Variants in NOTCH1 observed in about 807,000 individuals in gnomAD.
NOTCH1 encodes the protein neurogenic locus notch homolog protein 1.
Under a neutral mutation model 254.8 loss-of-function variants are expected in NOTCH1, and 37 were observed. The observed-to-expected ratio is 0.15, with a 90% CI of 0.11 to 0.19. The LOEUF is 0.19. Ranked by LOEUF, NOTCH1 falls within the 10% of genes least tolerant of loss-of-function variation. The pLI is 1.00. For synonymous variants in NOTCH1, 1,731 were observed against 1,618.1 expected (o/e 1.07, Z -1.68); for missense variants, 2,972 against 3,708.6 (o/e 0.80, Z 5.16).
Position 136,495,059 on chromosome 9 carries a change from G to A in NOTCH1, c.*1012C>T, listed in dbSNP as rs1404983222. 8 of 398,932 alleles carry A rather than the reference G, an allele frequency of 2.0e-5. No homozygotes were observed. Among genetic ancestry groups the A allele is most frequent in the East Asian group, 1.8e-4 (5 of 28,216 alleles). 24.7% of individuals were successfully genotyped at this position (398,932 alleles called of 1,614,324 possible). On this transcript the variant is annotated 3_prime_UTR_variant, in exon 34 of 34. Transcript: ENST00000651671. Reference sequence around the variant, plus strand: ...GAGCCCACGGGGGGTCGGGTCCCGCGAGCTGGGGCCCAGGCTGTGTTGCTG... The same window carrying A: ...GAGCCCACGGGGGGTCGGGTCCCGCAAGCTGGGGCCCAGGCTGTGTTGCTG...
chr9:136,539,685 C>T (rs952686125), intron 2 of NOTCH1, among the ~76,000 whole-genome samples: 4 of 152,202 alleles, frequency 2.6e-5, no homozygotes, highest in African/African-American at 9.6e-5. Flanking sequence ...CCCTGGCGCC[C>T]TTGAAGACCA....
chr9:136,507,428 C>G lies in NOTCH1; in HGVS notation c.3520G>C (p.Gly1174Arg). Reference protein sequence around the residue: ...LGGYSCKCVAGYHGVNCSEEI... With the variant: ...LGGYSCKCVARYHGVNCSEEI... ...TCAGAGCAGTTCACCCCGTGGTAGC[C>G]GGCCACGCACTGTGCAGGCGACAGA... The change falls in exon 22 of 34, where the codon GGC (glycine) becomes CGC (arginine). Residue 1174 changes from glycine (G) to arginine (R), a missense_variant. Physicochemically the swap from Gly to Arg is moderately radical, Grantham distance 125 (BLOSUM62 -2). Around this residue, in one of 8 missense-constraint regions of NOTCH1, gnomAD observed 1,343 missense variants for 1,557.0 expected, o/e 0.86. Coordinates refer to ENST00000651671, the MANE Select transcript of NOTCH1 (RefSeq NM_017617.5). 6.2e-7 allele frequency: 1 copy of G among 1,606,618 alleles called. No homozygotes were observed. Among genetic ancestry groups the G allele is most frequent in the Non-Finnish European group, 8.5e-7 (1 of 1,177,452 alleles).
chr9:136,545,670 G>A lies in NOTCH1; in HGVS notation c.61+56C>T, dbSNP rs1843804997. ...CCGTGGGGCGCGCGCGCCGGGCGCC[G>A]CCAAAGTTTCCAAAGGGCGCGGAAA... On this transcript the variant is annotated intron_variant, in intron 1 of 33. Transcript: ENST00000651671. The surrounding 1 kb of genome is among the most constrained non-coding windows in gnomAD (Gnocchi z 6.8). 2 of 1,390,702 alleles carry A rather than the reference G, an allele frequency of 1.4e-6. No homozygotes were observed. The highest frequency in any genetic ancestry group is 1.9e-6 in the Non-Finnish European group (2 of 1,057,202). The allele number at this position is 1,390,702 out of a possible 1,614,324, so 86.1% of individuals were successfully genotyped here.
rs116788803 is a variant in NOTCH1 at position 136,533,936 on chromosome 9, G to A, written c.141-9957C>T. Among the ~76,000 whole-genome samples the A allele has an allele frequency of 8.5e-4, 130 of 152,358 alleles. 1 individual carries two copies. The highest frequency in any genetic ancestry group is 3.0e-3 in the African/African-American group (125 of 41,578). The stretch of plus-strand genomic sequence containing the variant: ...TCTAATAAAGCCAGGTCTCCCCGCC[G>A]TGGCTCCCTGGGCGGGTGCCTGTGG... On this transcript the variant is annotated intron_variant, in intron 2 of 33. Coordinates refer to ENST00000651671, the MANE Select transcript of NOTCH1 (RefSeq NM_017617.5).
rs755963480 is a variant in NOTCH1, at chr9:136,509,068, G to A, written c.2973C>T (p.Ser991=). Residue 991 remains serine (S), a synonymous_variant, in exon 19 of 34, where the codon TCC becomes TCT. Coordinates refer to ENST00000651671, the MANE Select transcript of NOTCH1 (RefSeq NM_017617.5). ...ENNTPDCTES[S]CFNGGTCVDG... ...CCACGCAGGTGCCACCGTTGAAGCA[G>A]GAGCTGCAAGGGGGTGGGCAGGCGG... The A allele has an allele frequency of 1.3e-6, 2 of 1,555,982 alleles. No homozygotes were observed. Among genetic ancestry groups the A allele is most frequent in the Non-Finnish European group, 1.7e-6 (2 of 1,150,676 alleles).
rs754163232 is a variant in NOTCH1, at chr9:136,501,801, G to A, written c.5585C>T (p.Pro1862Leu). The part of the protein sequence containing the change: ...DLRMSAMAPT[P>L]PQGEVDADCM... The stretch of plus-strand genomic sequence containing the variant: ...GTCGGCGTCAACCTCACCCTGGGGC[G>A]GTGTGGGGGCCATGGCAGACATGCG... The change falls in exon 30 of 34, where the codon CCG becomes CTG. Residue 1862 changes from proline to leucine, a missense_variant. Transcript: ENST00000651671. 5 of 1,612,774 alleles carry A rather than the reference G, an allele frequency of 3.1e-6. No individual in the cohort carries two copies. Among genetic ancestry groups the A allele is most frequent in the Non-Finnish European group, 4.2e-6 (5 of 1,179,976 alleles).
intron 13 of NOTCH1, among the ~76,000 whole-genome samples, chr9:136,514,082 GCCC>G (rs1392496700): frequency 6.6e-6 from 1 of 152,176 alleles, no homozygotes; most frequent in Non-Finnish European, 1.5e-5. Flanking sequence ...GCTGCGAAAA[GCCC>G]CCCACCACTT....
At chr9:136,499,688 C>A (rs1842967725) in intron 31 of NOTCH1, among the ~76,000 whole-genome samples, 2 of 152,180 alleles carry the variant, frequency 1.3e-5, no homozygotes, top group South Asian at 4.1e-4. Flanking sequence ...GGGTGGGCAG[C>A]CCTTGTAATG....
In NOTCH1 at chr9:136,545,803, C is replaced by T. The variant is rs1484460687; in HGVS notation, c.-17G>A. ...CGGCGGCATGCCTCCCCACCGGCTG[C>T]CCTCTGCGCCCGGGCGGCGGCCTCC... On this transcript the variant is annotated 5_prime_UTR_variant, in exon 1 of 34. Coordinates refer to ENST00000651671, the MANE Select transcript of NOTCH1 (RefSeq NM_017617.5). This position sits in a 1 kb window ranked among gnomAD's most constrained non-coding sequence, Gnocchi z 6.8. The T allele has an allele frequency of 1.6e-6, 2 of 1,262,716 alleles. No homozygotes were observed. The highest frequency in any genetic ancestry group is 4.0e-5 in the Admixed American group (1 of 24,714). 78.2% of individuals were successfully genotyped at this position (1,262,716 alleles called of 1,614,324 possible). A position where few individuals can be genotyped will look rare whatever the true frequency, so the allele number is the denominator to read the frequency against.
At chr9:136,520,712 T>A (rs1402720624) in intron 4 of NOTCH1, among the ~76,000 whole-genome samples, 1 of 148,918 alleles carries the variant, frequency 6.7e-6, no homozygotes, top group African/African-American at 2.5e-5. Flanking sequence ...TACTCCAGCC[T>A]GAGTGACAGA....
In NOTCH1 at chr9:136,535,359, C is replaced by T. The variant is rs547385759; in HGVS notation, c.140+8665G>A. On this transcript the variant is annotated intron_variant, in intron 2 of 33. Coordinates refer to ENST00000651671, the MANE Select transcript of NOTCH1 (RefSeq NM_017617.5). ...GTGCGGGCTCAATCTGGAGTGTAGA[C>T]GGCAGGACGCCCCCAGCCCTGGGCC... Among the ~76,000 whole-genome samples, 102 of 152,088 alleles carry T rather than the reference C, an allele frequency of 6.7e-4. 1 individual carries two copies. The highest frequency in any genetic ancestry group is 1.9e-3 in the Admixed American group (29 of 15,286).
In NOTCH1 at chr9:136,508,257, G is replaced by C. The variant is rs1484716795; in HGVS notation, c.3300C>G (p.Ser1100=). ...CTTGTCGCTGCGCAGCCACCTCACA[G>C]GACACGCTGGGCACGTCGCAGTAAA... ...TGLYCDVPSV[S]CEVAAQRQGV... is the part of the protein sequence containing the mutation. The change falls in exon 20 of 34, where the codon TCC becomes TCG. Residue 1100 remains serine, a synonymous_variant. Coordinates refer to ENST00000651671, the MANE Select transcript of NOTCH1 (RefSeq NM_017617.5). 2 of 1,612,588 alleles carry C rather than the reference G, an allele frequency of 1.2e-6. No homozygotes were observed. Among genetic ancestry groups the C allele is most frequent in the Admixed American group, 3.3e-5 (2 of 60,016 alleles).
rs1003593915 is a variant in NOTCH1 at position 136,510,380 on chromosome 9, G to T, written c.2740+273C>A. The T allele has an allele frequency of 5.1e-6, 3 of 587,776 alleles. No individual in the cohort carries two copies. In the South Asian group the frequency reaches 6.0e-5, roughly 12 times the overall value. 36.4% of individuals were successfully genotyped at this position (587,776 alleles called of 1,614,324 possible). On this transcript the variant is annotated intron_variant, in intron 17 of 33. Coordinates refer to ENST00000651671, the MANE Select transcript of NOTCH1 (RefSeq NM_017617.5). ...CCCGATGAGCCAGGCGGGAGTGCAG[G>T]CCGGGCCCGAGCCATCCTCGGCTCA...
At chr9:136,503,910 C>T (rs1268850797) in intron 26 of NOTCH1, among the ~76,000 whole-genome samples, 1 of 152,264 alleles carries the variant, frequency 6.6e-6, no homozygotes, top group Non-Finnish European at 1.5e-5. Context: ...CAACCTGGCT[C>T]CTGGGTCCAG....
Position 136,513,022 on chromosome 9 carries a change from T to C in NOTCH1, c.2466A>G (p.Thr822=), listed in dbSNP as rs755286299. The C allele has an allele frequency of 4.0e-6, 3 of 753,002 alleles. No homozygotes were observed. The East Asian group carries it at 2.8e-4, about 70-fold the overall frequency. The allele number at this position is 753,002 out of a possible 1,614,324, so 46.6% of individuals were successfully genotyped here. ...GYKCNCLLPY[T]GATCEVVLAP... is the part of the protein sequence containing the mutation. ...GCACAGGCCCCACCCACCCCTCACC[T>C]GTGTAGGGCAGCAGGCAGTTGCACT... Residue 822 remains threonine (T), a splice_region_variant and synonymous_variant, in exon 15 of 34, where the codon ACA becomes ACG. Coordinates refer to ENST00000651671, the MANE Select transcript of NOTCH1 (RefSeq NM_017617.5). This position sits in a 1 kb window ranked among gnomAD's most constrained non-coding sequence, Gnocchi z 4.7.
Position 136,500,775 on chromosome 9 carries a change from T to C in NOTCH1, c.5711A>G (p.Glu1904Gly). Reference protein sequence around the residue: ...GLETGNSEEEEDAPAVISDFI... With the variant: ...GLETGNSEEEGDAPAVISDFI... Reference sequence around the variant, plus strand: ...GTCGGAGATGACGGCCGGCGCGTCCTCCTCTTCCTCGCTGTTGCCCGTCTC... The same window carrying C: ...GTCGGAGATGACGGCCGGCGCGTCCCCCTCTTCCTCGCTGTTGCCCGTCTC... The change falls in exon 31 of 34, where the codon GAG becomes GGG. Residue 1904 changes from glutamate to glycine, a missense_variant. Coordinates refer to ENST00000651671, the MANE Select transcript of NOTCH1 (RefSeq NM_017617.5). 1 of 1,602,730 alleles carries C rather than the reference T, an allele frequency of 6.2e-7. No individual in the cohort carries two copies. The highest frequency in any genetic ancestry group is 8.5e-7 in the Non-Finnish European group (1 of 1,179,766).
At chr9:136,529,354 G>C (rs1034961884) in intron 2 of NOTCH1, among the ~76,000 whole-genome samples, 1 of 152,248 alleles carries the variant, frequency 6.6e-6, no homozygotes, top group Non-Finnish European at 1.5e-5. Flanking sequence ...GGGGCAGGGG[G>C]AGTCCTGGGA....
chr9:136,537,177 C>G (rs73567913), intron 2 of NOTCH1, among the ~76,000 whole-genome samples: 12,379 of 152,232 alleles, frequency 0.081, 938 homozygotes, highest in African/African-American at 0.2. Flanking sequence ...GAAGCCACCC[C>G]GGACGCCCTC....
intron 2 of NOTCH1, among the ~76,000 whole-genome samples, chr9:136,535,960 T>C (rs1589080287): frequency 1.7e-5 from 1 of 58,484 alleles, no homozygotes; most frequent in Non-Finnish European, 3.2e-5. Context: ...GCACTCAGGA[T>C]CCCTCCTGGG....
Sources: gnomAD v4.1 joint callset for allele counts (sites outside exome capture counted in the v4.1 genomes callset) on GRCh38, gnomAD v4.1.1 for gene constraint, gnomAD v4.1.1 regional missense constraint, Gnocchi (gnomAD v3.1) non-coding constraint, MANE v1.5 for transcripts, NCBI Gene and HGNC (gene_info 2026-07-23, HGNC 2026-07-21) for gene names.